The following DUSP22 variants were observed in gnomAD, a reference collection of about 807,000 sequenced individuals.
DUSP22 encodes dual specificity protein phosphatase 22.
Under a neutral mutation model 24.5 loss-of-function variants are expected in DUSP22, and 24 were observed. That is an observed-to-expected ratio of 0.98 (90% CI 0.71 to 1.38). The LOEUF is 1.38. DUSP22 is among the 40% of genes most tolerant of loss of function. The pLI, the probability that DUSP22 is intolerant of heterozygous loss-of-function variation, is 0.00. For synonymous variants in DUSP22, 160 were observed against 106.4 expected (o/e 1.50, Z -3.10); for missense variants, 330 against 269.2 (o/e 1.23, Z -1.58).
chr6:292,745 C>G (rs1403613848), intron 1 of DUSP22, among the ~76,000 whole-genome samples, 185 bp downstream of exon 1: 1 of 152,280 alleles, frequency 6.6e-6, no homozygotes, highest in Non-Finnish European at 1.5e-5. Context: ...TTCCCGCCCC[C>G]ACCCCACCCG....
At chr6:348,021 A>T in intron 5 of DUSP22, 82 bp from the exon 6 acceptor site, 4 of 1,570,476 alleles carry the variant, frequency 2.5e-6, no homozygotes, top group Non-Finnish European at 1.7e-6. Flanking sequence ...AGGTCCTTAG[A>T]GTCCCCCGCT....
chr6:302,766 G>C (rs1351093687), intron 1 of DUSP22, among the ~76,000 whole-genome samples: 1 of 152,302 alleles, frequency 6.6e-6, no homozygotes, highest in African/African-American at 2.4e-5. Flanking sequence ...CCTGACACTT[G>C]GTTAAGCCAG....
chr6:292,580 G>A lies in DUSP22; in HGVS notation c.21+20G>A, dbSNP rs1362897170. ...AACAAGGTAACGTCTTCCCTCGTTC[G>A]CGCTGGGTTTGCCTCCGCTCCGACG... On this transcript the variant is annotated intron_variant, in intron 1 of 6. Transcript: ENST00000419235. The A allele has an allele frequency of 6.3e-7, 1 of 1,593,428 alleles. No individual in the cohort carries two copies. The highest frequency in any genetic ancestry group is 8.5e-7 in the Non-Finnish European group (1 of 1,170,772).
intron 4 of DUSP22, 74 bp downstream of exon 4, chr6:335,237 G>A: frequency 6.4e-7 from 1 of 1,567,846 alleles, no homozygotes; most frequent in South Asian, 1.1e-5. Context: ...CAGAGAAGTA[G>A]AAGACTGTGA....
intron 5 of DUSP22, among the ~76,000 whole-genome samples, chr6:346,146 C>G (rs1468759451): frequency 6.6e-6 from 1 of 152,278 alleles, no homozygotes; most frequent in Non-Finnish European, 1.5e-5. Context: ...TGTTTTTTTC[C>G]CATTTCCACT....
At chr6:296,291 A>G (rs1425193707) in intron 1 of DUSP22, among the ~76,000 whole-genome samples, 1 of 152,304 alleles carries the variant, frequency 6.6e-6, no homozygotes, top group Non-Finnish European at 1.5e-5. Context: ...TGAGTACTTT[A>G]CCACATAGAG....
At chr6:345,051 G>A (rs1759793483) in intron 4 of DUSP22, among the ~76,000 whole-genome samples, 1 of 152,300 alleles carries the variant, frequency 6.6e-6, no homozygotes, top group Admixed American at 6.5e-5. Context: ...ATTTCTTACA[G>A]AGAAATTCCA....
At chr6:347,616 G>C (rs1301165345) in intron 5 of DUSP22, among the ~76,000 whole-genome samples, 2 of 152,310 alleles carry the variant, frequency 1.3e-5, no homozygotes, top group Non-Finnish European at 2.9e-5. Flanking sequence ...GTAAGATTGG[G>C]TAAGGGCTTC....
intron 3 of DUSP22, among the ~76,000 whole-genome samples, chr6:315,786 C>T (rs1758313443): frequency 6.6e-6 from 1 of 152,304 alleles, no homozygotes; most frequent in Non-Finnish European, 1.5e-5. Context: ...TTGAGCTCCT[C>T]CTATGTTCCA....
intron 1 of DUSP22, among the ~76,000 whole-genome samples, chr6:293,011 G>A (rs561656283): frequency 6.6e-6 from 1 of 152,290 alleles, no homozygotes; most frequent in Non-Finnish European, 1.5e-5. Context: ...CTGTGTGTGT[G>A]CCTGTGAGCA....
chr6:346,863 A>G (rs950347115), intron 5 of DUSP22, among the ~76,000 whole-genome samples: 4 of 152,240 alleles, frequency 2.6e-5, no homozygotes, highest in Non-Finnish European at 4.4e-5. Context: ...GACCCAGTGC[A>G]TGACATCCAG....
intron 1 of DUSP22, 35 bp from the exon 2 acceptor site, chr6:304,593 T>C: frequency 6.2e-7 from 1 of 1,614,188 alleles, no homozygotes; most frequent in Admixed American, 1.7e-5. Flanking sequence ...ACTTAGAGTC[T>C]GCCATGCTCA....
At chr6:293,951 G>A (rs1757210366) in intron 1 of DUSP22, among the ~76,000 whole-genome samples, 1 of 152,262 alleles carries the variant, frequency 6.6e-6, no homozygotes, top group South Asian at 2.1e-4. Context: ...AATAAAGATG[G>A]TCATCATAAG....
chr6:311,797 G>GTTTT, intron 2 of DUSP22, 83 bp from the exon 3 acceptor site: 17 of 1,157,192 alleles, frequency 1.5e-5, no homozygotes, highest in South Asian at 9.7e-5. Context: ...CATTTTGTGG[G>GTTTT]TTTTTTTTTT....
At chr6:316,893 G>A (rs1758361096) in intron 3 of DUSP22, among the ~76,000 whole-genome samples, 1 of 152,306 alleles carries the variant, frequency 6.6e-6, no homozygotes, top group Non-Finnish European at 1.5e-5. Context: ...CATTTATGAA[G>A]ACCAGGGTAT....
At chr6:300,156 A>G (rs1236354089) in intron 1 of DUSP22, among the ~76,000 whole-genome samples, 1 of 152,298 alleles carries the variant, frequency 6.6e-6, no homozygotes, top group Non-Finnish European at 1.5e-5. Context: ...ACAATATTTG[A>G]AAATTGGGCT....
intron 4 of DUSP22, among the ~76,000 whole-genome samples, chr6:344,267 T>G (rs1393464264): frequency 6.6e-6 from 1 of 151,272 alleles, no homozygotes; most frequent in Non-Finnish European, 1.5e-5. Flanking sequence ...GCACGCGTCA[T>G]CATTTAGAAC....
intron 4 of DUSP22, among the ~76,000 whole-genome samples, chr6:336,555 A>G (rs1759369651): frequency 6.6e-6 from 1 of 152,274 alleles, no homozygotes; most frequent in Non-Finnish European, 1.5e-5. Context: ...CCTTTTTGGG[A>G]AAAAAAATAG....
In DUSP22 at chr6:332,280, G is replaced by A. The variant is rs191340481; in HGVS notation, c.139-2834G>A. Among the ~76,000 whole-genome samples, 22 of 152,416 alleles carry A rather than the reference G, an allele frequency of 1.4e-4. No individual in the cohort carries two copies. In the East Asian group the frequency reaches 3.9e-3, roughly 27 times the overall value. On this transcript the variant is annotated intron_variant, in intron 3 of 6. Coordinates refer to ENST00000419235, the MANE Select transcript of DUSP22 (RefSeq NM_001286555.3). ...GGTGGTCCCCAAATTGTGGTTGGGA[G>A]CCATTTTGTTCCTCTTCAGAGGATT...
Sources: allele counts gnomAD v4.1 joint callset (sites outside exome capture counted in the v4.1 genomes callset), GRCh38; gene constraint gnomAD v4.1.1; transcripts MANE v1.5; gene names NCBI Gene and HGNC (gene_info 2026-07-23, HGNC 2026-07-21).